KANK1: variants seen among roughly 807,000 people sequenced by gnomAD.
The protein encoded by KANK1 is KN motif and ankyrin repeat domain-containing protein 1.
Under a neutral mutation model 106.2 loss-of-function variants are expected in KANK1, and 109 were observed. The observed-to-expected ratio is 1.03, with a 90% CI of 0.88 to 1.20. KANK1 has a LOEUF of 1.20. KANK1 is among the 50% of genes most tolerant of loss of function. KANK1 has a pLI of 0.00. For synonymous variants in KANK1, 873 were observed against 652.2 expected (o/e 1.34, Z -5.16); for missense variants, 2,399 against 1,710.7 (o/e 1.40, Z -7.10).
chr9:495,202 C>T (rs1175676778), intron 3 of KANK1: 1 of 152,194 alleles, frequency 6.6e-6, no homozygotes, highest in African/African-American at 2.4e-5. Flanking sequence ...AAGTCATTGT[C>T]CCCAGACTAT....
chr9:745,172 G>C lies in KANK1; in HGVS notation c.3997-1G>C, dbSNP rs750410852. 6.2e-7 allele frequency: 1 copy of C among 1,613,770 alleles called. No homozygotes were observed. Among genetic ancestry groups the C allele is most frequent in the South Asian group, 1.1e-5 (1 of 91,014 alleles). On this transcript the variant is annotated splice_acceptor_variant, in intron 11 of 11. Transcript: ENST00000382297. LOFTEE classifies it high-confidence loss of function. ...AGTTTTTTTCCTTTCCTGGTCTCTAGGGCACCCCTAGGCTTGGAAGGAAGA... is the reference window on the plus strand; with the variant it reads ...AGTTTTTTTCCTTTCCTGGTCTCTACGGCACCCCTAGGCTTGGAAGGAAGA...
At chr9:580,835 G>C (rs1587999965) in intron 1 of KANK1, among the ~76,000 whole-genome samples, 1 of 152,176 alleles carries the variant, frequency 6.6e-6, no homozygotes, top group South Asian at 2.1e-4. Context: ...GTGCTCGTTG[G>C]GGAGGCTTGG....
chr9:551,031 G>A (rs974678918), intron 1 of KANK1, among the ~76,000 whole-genome samples: 1 of 151,916 alleles, frequency 6.6e-6, no homozygotes, highest in Non-Finnish European at 1.5e-5. Flanking sequence ...AAAGAGATGG[G>A]TCAGGGAGGA....
intron 3 of KANK1, among the ~76,000 whole-genome samples, chr9:490,907 C>G (rs141702594): frequency 1.4e-5 from 2 of 147,806 alleles, no homozygotes; most frequent in African/African-American, 2.5e-5. Context: ...ATAAGTGCTA[C>G]GAAAAAAGAT....
chr9:506,620 A>T (rs2058771093), intron 1 of KANK1, among the ~76,000 whole-genome samples: 1 of 152,228 alleles, frequency 6.6e-6, no homozygotes, highest in South Asian at 2.1e-4. Context: ...TTTTTAAAAT[A>T]TCCAAACTGG....
Position 712,809 on chromosome 9 carries a change from C to G in KANK1, c.2043C>G (p.His681Gln). The G allele has an allele frequency of 3.1e-6, 5 of 1,613,836 alleles. No individual in the cohort carries two copies. Among genetic ancestry groups the G allele is most frequent in the Non-Finnish European group, 4.2e-6 (5 of 1,179,940 alleles). ...QDTSTDLEQV[H>Q]QFTNTETATL... is the part of the protein sequence containing the mutation. ...CTAGCACAGATTTGGAACAGGTGCA[C>G]CAGTTCACCAACACCGAGACGGCCA... Residue 681 changes from histidine to glutamine, a missense_variant, in exon 3 of 12, where the codon CAC (histidine) becomes CAG (glutamine). Physicochemically the swap from His to Gln is conservative, Grantham distance 24. Transcript: ENST00000382297.
intron 3 of KANK1, among the ~76,000 whole-genome samples, chr9:720,334 T>G (rs1384285188): frequency 6.6e-6 from 1 of 152,200 alleles, no homozygotes; most frequent in Non-Finnish European, 1.5e-5. Flanking sequence ...TTGTAATTAC[T>G]CCACATGTTG....
chr9:709,485 G>A (rs914247731), intron 2 of KANK1, among the ~76,000 whole-genome samples: 1 of 152,226 alleles, frequency 6.6e-6, no homozygotes, highest in East Asian at 1.9e-4. Context: ...GTCTGCTACT[G>A]ACTTTTAGTT....
chr9:481,432 G>A (rs577836095), intron 3 of KANK1, among the ~76,000 whole-genome samples: 46 of 152,060 alleles, frequency 3.0e-4, no homozygotes, highest in African/African-American at 1.1e-3. Flanking sequence ...GCTGAGTTCT[G>A]TGATGTGTAT....
At chr9:472,677 C>G (rs2058041569) in intron 2 of KANK1, among the ~76,000 whole-genome samples, 1 of 152,204 alleles carries the variant, frequency 6.6e-6, no homozygotes, top group Non-Finnish European at 1.5e-5. Context: ...GATCCAGCTG[C>G]AAGGACTGGT....
intron 1 of KANK1, among the ~76,000 whole-genome samples, chr9:514,372 G>A (rs192551100): frequency 5.4e-5 from 8 of 148,492 alleles, no homozygotes; most frequent in Admixed American, 5.3e-4. Context: ...CCTGTTATGA[G>A]ATGGTTCAGC....
At position 732,544 on chromosome 9, in the gene KANK1, T is replaced by C. The variant is rs142930370; in HGVS notation, c.3172T>C (p.Leu1058=). 2.5e-5 allele frequency: 40 copies of C among 1,614,020 alleles called. No individual in the cohort carries two copies. The highest frequency in any genetic ancestry group is 1.5e-4 in the African/African-American group (11 of 74,908). ...GCACCATGCAGTTAATATTGAAGGT[T>C]TGAAGTCTGCCAGGGTGGAAGATGA... is the stretch of plus-strand genomic sequence containing the variant. ...EGHHAVNIEG[L]KSARVEDEMQ... Residue 1058 remains leucine (L), a synonymous_variant, in exon 6 of 12, where the codon TTG becomes CTG. Transcript: ENST00000382297.
At chr9:735,980 G>C (rs1205735035) in intron 7 of KANK1, among the ~76,000 whole-genome samples, 1 of 152,136 alleles carries the variant, frequency 6.6e-6, no homozygotes, top group Non-Finnish European at 1.5e-5. Flanking sequence ...GGGTGACAGA[G>C]TGAGACTCCA....
At chr9:579,993 C>T (rs1033902756) in intron 1 of KANK1, among the ~76,000 whole-genome samples, 2 of 152,150 alleles carry the variant, frequency 1.3e-5, no homozygotes, top group East Asian at 1.9e-4. Flanking sequence ...GGTTCTTGGT[C>T]TCACAGACTT....
chr9:631,848 C>T (rs1161922787), intron 1 of KANK1, among the ~76,000 whole-genome samples: 1 of 152,172 alleles, frequency 6.6e-6, no homozygotes, highest in Non-Finnish European at 1.5e-5. Flanking sequence ...CATCTTTAAG[C>T]CTCATTTCAG....
intron 3 of KANK1, among the ~76,000 whole-genome samples, chr9:491,024 A>G (rs563308521): frequency 1.3e-5 from 2 of 149,702 alleles, no homozygotes; most frequent in Admixed American, 6.7e-5. Context: ...CAGTGGTACA[A>G]CCATGGCTCA....
At chr9:505,596 C>T (rs919591349) in intron 1 of KANK1, among the ~76,000 whole-genome samples, 7 of 152,360 alleles carry the variant, frequency 4.6e-5, no homozygotes, top group African/African-American at 1.2e-4. Context: ...GGCAACTGTT[C>T]TTGGTGGCTC....
At chr9:719,553 A>G (rs1431220055) in intron 3 of KANK1, among the ~76,000 whole-genome samples, 1 of 152,212 alleles carries the variant, frequency 6.6e-6, no homozygotes, top group African/African-American at 2.4e-5. Context: ...GCATACCAGA[A>G]CAGTTGGAAT....
At chr9:496,251 G>A (rs937572909) in intron 3 of KANK1, among the ~76,000 whole-genome samples, 1 of 152,152 alleles carries the variant, frequency 6.6e-6, no homozygotes, top group African/African-American at 2.4e-5. Flanking sequence ...AAGAATTATT[G>A]ATTATTAAAA....
Sources: gnomAD v4.1 joint callset for allele counts (sites outside exome capture counted in the v4.1 genomes callset) on GRCh38, gnomAD v4.1.1 for gene constraint, MANE v1.5 for transcripts, NCBI Gene and HGNC (gene_info 2026-07-23, HGNC 2026-07-21) for gene names.